The following GAREM1 variants were observed in gnomAD, a reference collection of about 807,000 sequenced individuals.
The protein encoded by GAREM1 is GRB2 associated regulator of MAPK1 subtype 1, also known as GRB2-associated and regulator of MAPK protein 1.
In GAREM1, 26 loss-of-function variants were observed where a neutral mutation model predicts 71.3. The observed-to-expected ratio is 0.36, with a 90% CI of 0.27 to 0.51. The LOEUF is 0.51. GAREM1 is among the 20% of genes least tolerant of loss of function. The pLI, the probability that GAREM1 is intolerant of heterozygous loss-of-function variation, is 0.95. For missense variants in GAREM1, 1,026 were observed against 1,103.1 expected, an observed-to-expected ratio of 0.93 and a Z score of 0.99; for synonymous variants, 440 against 433.2, an observed-to-expected ratio of 1.02 and a Z score of -0.20.
At chr18:32,451,145 T>C (rs1174325065) in intron 1 of GAREM1, among the ~76,000 whole-genome samples, 1 of 152,010 alleles carries the variant, frequency 6.6e-6, no homozygotes, top group African/African-American at 2.4e-5. Context: ...AGTGAGACCT[T>C]GTCTCAAACA....
At chr18:32,328,110 G>A (rs1215076954) in intron 2 of GAREM1, among the ~76,000 whole-genome samples, 2 of 152,102 alleles carry the variant, frequency 1.3e-5, no homozygotes, top group African/African-American at 4.8e-5. Flanking sequence ...ATTTATCAAT[G>A]TATTACTCTG....
intron 1 of GAREM1, among the ~76,000 whole-genome samples, chr18:32,430,447 A>T (rs11081762): frequency 6.6e-6 from 1 of 151,936 alleles, no homozygotes; most frequent in African/African-American, 2.4e-5. Flanking sequence ...AACTCTCTCT[A>T]TATATATACT....
intron 1 of GAREM1, among the ~76,000 whole-genome samples, chr18:32,439,324 C>T (rs2048711989): frequency 6.6e-6 from 1 of 152,006 alleles, no homozygotes; most frequent in Non-Finnish European, 1.5e-5. Flanking sequence ...GAAGGAAAAA[C>T]CAGAATTAGG....
chr18:32,377,191 C>G (rs116107523), intron 2 of GAREM1, among the ~76,000 whole-genome samples: 1,934 of 152,190 alleles, frequency 0.013, 52 homozygotes, highest in African/African-American at 0.045. Context: ...GAAGAAAACC[C>G]CAAGGTGTTA....
chr18:32,338,925 G>A (rs1449803945), intron 2 of GAREM1, among the ~76,000 whole-genome samples: 1 of 152,112 alleles, frequency 6.6e-6, no homozygotes, highest in African/African-American at 2.4e-5. Context: ...TAATGTGCGA[G>A]GGGCTCATCC....
chr18:32,421,744 C>T (rs2048521450), intron 1 of GAREM1, among the ~76,000 whole-genome samples: 1 of 152,146 alleles, frequency 6.6e-6, no homozygotes, highest in South Asian at 2.1e-4. Context: ...ATTGGAGAGT[C>T]TCCTCTGTCA....
At chr18:32,406,595 T>C (rs2048369401) in intron 1 of GAREM1, among the ~76,000 whole-genome samples, 1 of 152,116 alleles carries the variant, frequency 6.6e-6, no homozygotes, top group Non-Finnish European at 1.5e-5. Context: ...GGAAGCAAAG[T>C]GTTCCAAACA....
intron 3 of GAREM1, among the ~76,000 whole-genome samples, chr18:32,293,150 C>T (rs625863): frequency 0.35 from 53,767 of 151,652 alleles, 10,561 homozygotes; most frequent in African/African-American, 0.53. Flanking sequence ...CACAGACACA[C>T]ACACACACAC....
At chr18:32,311,094 T>C (rs1336967633) in intron 2 of GAREM1, among the ~76,000 whole-genome samples, 1 of 152,248 alleles carries the variant, frequency 6.6e-6, no homozygotes, top group Non-Finnish European at 1.5e-5. Flanking sequence ...TTTGAACATA[T>C]TCCTAAAATA....
In GAREM1 at chr18:32,461,815, T is replaced by C. The variant is rs116722287; in HGVS notation, c.121+8493A>G. ...CATATCATAGCTGGTGTTGTTAAGATTGAGAGTCCTGCTGAAGATGCATGG... is the reference window on the plus strand; with the variant it reads ...CATATCATAGCTGGTGTTGTTAAGACTGAGAGTCCTGCTGAAGATGCATGG... On this transcript the variant is annotated intron_variant, in intron 1 of 5. Transcript: ENST00000269209. Among the ~76,000 whole-genome samples the C allele has an allele frequency of 6.7e-3, 1,020 of 152,296 alleles. 15 individuals carry two copies. Among genetic ancestry groups the C allele is most frequent in the African/African-American group, 0.024 (977 of 41,554 alleles).
chr18:32,328,913 A>C (rs151235242), intron 2 of GAREM1, among the ~76,000 whole-genome samples: 1 of 152,230 alleles, frequency 6.6e-6, no homozygotes, highest in Admixed American at 6.5e-5. Flanking sequence ...AAAGAGACTG[A>C]TGATAAAATT....
At chr18:32,430,363 A>G (rs1161318843) in intron 1 of GAREM1, among the ~76,000 whole-genome samples, 1 of 152,218 alleles carries the variant, frequency 6.6e-6, no homozygotes, top group Admixed American at 6.5e-5. Context: ...CTGTAATACA[A>G]AGAAAAAAAG....
At chr18:32,442,898 G>T (rs1041080403) in intron 1 of GAREM1, among the ~76,000 whole-genome samples, 1 of 152,126 alleles carries the variant, frequency 6.6e-6, no homozygotes, top group African/African-American at 2.4e-5. Flanking sequence ...ACTGTAAAAG[G>T]GAACATGTGT....
At chr18:32,276,486 A>G (rs2041544161) in intron 4 of GAREM1, among the ~76,000 whole-genome samples, 1 of 152,214 alleles carries the variant, frequency 6.6e-6, no homozygotes, top group Non-Finnish European at 1.5e-5. Flanking sequence ...ATTAAAATAC[A>G]ATCTGGTAAG....
Position 32,287,883 on chromosome 18 carries a change from G to C in GAREM1, c.714C>G (p.Asn238Lys). Reference protein sequence around the residue: ...QMQEGEHTIRNIVEKTRLPVN... With the variant: ...QMQEGEHTIRKIVEKTRLPVN... ...CAGGAAGCCTGGTTTTCTCCACAAT[G>C]TTGCGGATGGTGTGTTCGCCCTCTT... is the stretch of plus-strand genomic sequence containing the variant. The change falls in exon 4 of 6, where the codon AAC (asparagine) becomes AAG (lysine). Residue 238 changes from asparagine (N) to lysine (K), a missense_variant. Transcript: ENST00000269209. This position sits in a 1 kb window ranked among gnomAD's most constrained non-coding sequence, Gnocchi z 5.9. 6.2e-7 allele frequency: 1 copy of C among 1,614,052 alleles called. No homozygotes were observed. Among genetic ancestry groups the C allele is most frequent in the Non-Finnish European group, 8.5e-7 (1 of 1,180,016 alleles).
intron 2 of GAREM1, among the ~76,000 whole-genome samples, chr18:32,375,255 G>A (rs2048021275): frequency 6.6e-6 from 1 of 152,112 alleles, no homozygotes; most frequent in Non-Finnish European, 1.5e-5. Flanking sequence ...CTGGTAAACT[G>A]TAGAGGCAAG....
At chr18:32,336,687 CCACT>C (rs2047598787) in intron 2 of GAREM1, among the ~76,000 whole-genome samples, 1 of 152,126 alleles carries the variant, frequency 6.6e-6, no homozygotes. Context: ...TATTTATTCC[CCACT>C]CAAACACTCT....
chr18:32,443,299 T>C (rs983308406), intron 1 of GAREM1, among the ~76,000 whole-genome samples: 5 of 152,134 alleles, frequency 3.3e-5, no homozygotes, highest in Non-Finnish European at 7.4e-5. Flanking sequence ...TTAGACTTCT[T>C]TAAAATTAAA....
chr18:32,355,310 A>T lies in GAREM1; in HGVS notation c.262+37585T>A, dbSNP rs537561183. Among the ~76,000 whole-genome samples the T allele has an allele frequency of 2.0e-5, 3 of 152,318 alleles. No individual in the cohort carries two copies. The East Asian group carries it at 5.8e-4, about 29-fold the overall frequency. On this transcript the variant is annotated intron_variant, in intron 2 of 5. Transcript: ENST00000269209. Reference sequence around the variant, plus strand: ...TCACAAAGCAAGAGGCCTATGGTGAATAATGAAGTAATGCTGCCTAGAACC... The same window carrying T: ...TCACAAAGCAAGAGGCCTATGGTGATTAATGAAGTAATGCTGCCTAGAACC...
Sources: gnomAD v4.1 joint callset for allele counts (sites outside exome capture counted in the v4.1 genomes callset) on GRCh38, gnomAD v4.1.1 for gene constraint, Gnocchi (gnomAD v3.1) non-coding constraint, MANE v1.5 for transcripts, NCBI Gene and HGNC (gene_info 2026-07-23, HGNC 2026-07-21) for gene names.